FAM184B: variants seen among roughly 807,000 people sequenced by gnomAD.
The protein encoded by FAM184B is family with sequence similarity 184 member B.
Under a neutral mutation model 135.9 loss-of-function variants are expected in FAM184B, and 111 were observed. The observed-to-expected ratio is 0.82, with a 90% confidence interval of 0.70 to 0.96. FAM184B has a LOEUF of 0.96. Among genes scored for constraint, FAM184B ranks in the 40% least tolerant of loss-of-function variants. The pLI is 0.00. For missense variants in FAM184B, 1,375 were observed against 1,323.9 expected (o/e 1.04, Z -0.60); for synonymous variants, 552 against 524.8 (o/e 1.05, Z -0.71).
At chr4:17,636,023 G>A (rs532800967) in intron 15 of FAM184B, among the ~76,000 whole-genome samples, 1 of 136,694 alleles carries the variant, frequency 7.3e-6, no homozygotes, top group South Asian at 2.5e-4. Flanking sequence ...AAATGCTGTT[G>A]GACTTGGGAG....
At chr4:17,711,902 G>A (rs142187464) in intron 1 of FAM184B, among the ~76,000 whole-genome samples, 57 of 152,278 alleles carry the variant, frequency 3.7e-4, no homozygotes, top group African/African-American at 1.4e-3. Flanking sequence ...AATGAGACAA[G>A]GTCACTAACA....
At chr4:17,769,694 G>A (rs6857330) in intron 1 of FAM184B, among the ~76,000 whole-genome samples, 1 of 151,862 alleles carries the variant, frequency 6.6e-6, no homozygotes, top group African/African-American at 2.4e-5. Context: ...CCCACTCCCC[G>A]ATAAGATGAC....
intron 7 of FAM184B, among the ~76,000 whole-genome samples, chr4:17,668,034 G>A (rs1300413026): frequency 6.6e-6 from 1 of 152,194 alleles, no homozygotes; most frequent in Non-Finnish European, 1.5e-5. Flanking sequence ...CTATCCCCAG[G>A]CAGGTGCATG....
intron 9 of FAM184B, 41 bp from the exon 10 acceptor site, chr4:17,658,603 C>T (rs1441749108): frequency 5.2e-6 from 8 of 1,529,468 alleles, no homozygotes; most frequent in Non-Finnish European, 8.8e-7. Context: ...AGCCCCTTGC[C>T]TTTCCTGGGA....
At chr4:17,663,939 T>A (rs1323421651) in intron 8 of FAM184B, among the ~76,000 whole-genome samples, 1 of 151,736 alleles carries the variant, frequency 6.6e-6, no homozygotes, top group East Asian at 1.9e-4. Context: ...CCATGTAAGA[T>A]ATGCCTGCTT....
intron 1 of FAM184B, among the ~76,000 whole-genome samples, chr4:17,718,144 A>G (rs958880299): frequency 3.3e-5 from 5 of 152,200 alleles, no homozygotes; most frequent in East Asian, 1.9e-4. Flanking sequence ...TTGGAGATCA[A>G]ATGACATTAT....
At chr4:17,749,310 A>T (rs1480379511) in intron 1 of FAM184B, among the ~76,000 whole-genome samples, 3 of 152,012 alleles carry the variant, frequency 2.0e-5, no homozygotes, top group Non-Finnish European at 4.4e-5. Flanking sequence ...AGACGGGCAC[A>T]GTGGCTCACA....
At chr4:17,722,255 G>C (rs1717547333) in intron 1 of FAM184B, among the ~76,000 whole-genome samples, 1 of 152,214 alleles carries the variant, frequency 6.6e-6, no homozygotes, top group Non-Finnish European at 1.5e-5. Flanking sequence ...ACAGAGCGGA[G>C]CTTCAGTGTT....
intron 11 of FAM184B, among the ~76,000 whole-genome samples, chr4:17,651,899 T>G (rs1420150318): frequency 6.6e-6 from 1 of 152,090 alleles, no homozygotes. Context: ...GGGGAGAGTT[T>G]TGTGCTGGGG....
At chr4:17,658,040 G>A (rs572516716) in intron 10 of FAM184B, among the ~76,000 whole-genome samples, 55 of 152,204 alleles carry the variant, frequency 3.6e-4, no homozygotes, top group African/African-American at 1.3e-3. Flanking sequence ...GTTCATGTAC[G>A]CCACTGCTCT....
intron 1 of FAM184B, among the ~76,000 whole-genome samples, chr4:17,723,391 G>T (rs139826570): frequency 1.4e-4 from 22 of 152,258 alleles, no homozygotes; most frequent in African/African-American, 5.3e-4. Flanking sequence ...TGATACTTAG[G>T]TCACCTTTGC....
intron 1 of FAM184B, among the ~76,000 whole-genome samples, chr4:17,739,007 C>T (rs2108982064): frequency 6.6e-6 from 1 of 152,274 alleles, no homozygotes; most frequent in Non-Finnish European, 1.5e-5. Flanking sequence ...GAATCATGAG[C>T]CAAATAAACC....
intron 13 of FAM184B, among the ~76,000 whole-genome samples, chr4:17,640,109 C>T (rs1196928330): frequency 3.0e-5 from 3 of 100,652 alleles, no homozygotes; most frequent in African/African-American, 5.3e-5. Flanking sequence ...TGGGATTACA[C>T]GCGTGAGCCA....
intron 1 of FAM184B, among the ~76,000 whole-genome samples, chr4:17,749,669 C>T (rs947345306): frequency 6.6e-6 from 1 of 151,994 alleles, no homozygotes; most frequent in African/African-American, 2.4e-5. Flanking sequence ...GGTTGTATTA[C>T]CTTAAAAATA....
Position 17,647,624 on chromosome 4 carries a change from C to T in FAM184B, c.2346+13G>A, listed in dbSNP as rs3733578. Reference sequence around the variant, plus strand: ...GGGAGGGGTATTGCTGGTGCAAGGGCGGGGGCACTGACCTCTGTGGCGATT... The same window carrying T: ...GGGAGGGGTATTGCTGGTGCAAGGGTGGGGGCACTGACCTCTGTGGCGATT... On this transcript the variant is annotated intron_variant, in intron 12 of 17. Coordinates refer to ENST00000265018, the MANE Select transcript of FAM184B (RefSeq NM_015688.2). 124 of 1,545,566 alleles carry T rather than the reference C, an allele frequency of 8.0e-5. No homozygotes were observed. The East Asian group carries it at 2.6e-3, about 32-fold the overall frequency.
intron 7 of FAM184B, among the ~76,000 whole-genome samples, chr4:17,674,025 C>T (rs560463438): frequency 6.6e-6 from 1 of 152,100 alleles, no homozygotes; most frequent in East Asian, 1.9e-4. Flanking sequence ...ACAAGAAATG[C>T]TAAAGGAATT....
intron 1 of FAM184B, among the ~76,000 whole-genome samples, chr4:17,769,932 G>A (rs1415273928): frequency 6.6e-6 from 1 of 152,150 alleles, no homozygotes; most frequent in Non-Finnish European, 1.5e-5. Flanking sequence ...TAGCCTCAGA[G>A]TGGGGCAGGG....
chr4:17,658,497 G>A lies in FAM184B; in HGVS notation c.1890C>T (p.Leu630=). 2 of 1,551,566 alleles carry A rather than the reference G, an allele frequency of 1.3e-6. No homozygotes were observed. The highest frequency in any genetic ancestry group is 8.7e-7 in the Non-Finnish European group (1 of 1,146,992). The change falls in exon 10 of 18, where the codon CTC becomes CTT. Residue 630 remains leucine (L), a synonymous_variant. Coordinates refer to ENST00000265018, the MANE Select transcript of FAM184B (RefSeq NM_015688.2). Reference sequence around the variant, plus strand: ...CCCTCTCCAGGTCCGAGAGCTGCTTGAGTGCCTGCAGGTCCTCCCTGTAGT... The same window carrying A: ...CCCTCTCCAGGTCCGAGAGCTGCTTAAGTGCCTGCAGGTCCTCCCTGTAGT... ...TSNYREDLQA[L]KQLSDLEREK... is the part of the protein sequence containing the mutation.
At chr4:17,751,934 C>A (rs368917811) in intron 1 of FAM184B, among the ~76,000 whole-genome samples, 1 of 146,784 alleles carries the variant, frequency 6.8e-6, no homozygotes, top group Non-Finnish European at 1.5e-5. Context: ...GTTCAGGAAC[C>A]CACGGAATAA....
Sources: allele counts gnomAD v4.1 joint callset (sites outside exome capture counted in the v4.1 genomes callset), GRCh38; gene constraint gnomAD v4.1.1; transcripts MANE v1.5; gene names NCBI Gene and HGNC (gene_info 2026-07-23, HGNC 2026-07-21).